The following MRE11 variants were observed in gnomAD, a reference collection of about 807,000 sequenced individuals.
MRE11 encodes double-strand break repair protein MRE11.
Under a neutral mutation model 91.7 loss-of-function variants are expected in MRE11, and 62 were observed. The ratio of observed to expected loss-of-function variants is 0.68; its 90% CI spans 0.55 to 0.84. MRE11 has a LOEUF of 0.84. Ranked by LOEUF, MRE11 falls within the 40% of genes least tolerant of loss-of-function variation. The pLI, the probability that MRE11 is intolerant of heterozygous loss-of-function variation, is 0.00. For missense variants in MRE11, 796 were observed against 852.9 expected, an observed-to-expected ratio of 0.93 and a Z score of 0.83; for synonymous variants, 273 against 271.4, an observed-to-expected ratio of 1.01 and a Z score of -0.06.
At chr11:94,450,233 T>C (rs77891285) in intron 14 of MRE11, among the ~76,000 whole-genome samples, 2,406 of 152,310 alleles carry the variant, frequency 0.016, 24 homozygotes, top group Middle Eastern at 0.034. Flanking sequence ...CAGTGGCTCA[T>C]AGAAAGCTAA....
At chr11:94,496,459 T>G (rs1369780777), upstream of MRE11, 1 of 362,472 alleles carries the variant, frequency 2.8e-6, no homozygotes, top group East Asian at 4.3e-5. Context: ...TCTGTCAGCA[T>G]CAGTATTTAG....
Position 94,417,057 on chromosome 11 carries a change from A to C in MRE11, c.*3068T>G, listed in dbSNP as rs1311901458. 6.5e-6 allele frequency: 1 copy of C among 153,052 alleles called. No homozygotes were observed. The highest frequency in any genetic ancestry group is 1.5e-5 in the Non-Finnish European group (1 of 68,880). 9.5% of individuals were successfully genotyped at this position (153,052 alleles called of 1,614,324 possible). On this transcript the variant is annotated 3_prime_UTR_variant, in exon 20 of 20. Coordinates refer to ENST00000323929, the MANE Select transcript of MRE11 (RefSeq NM_005591.4). ...AATGGCACAATCTCGGCTCACTGCA[A>C]CCTCTGCCTCCTGGGTTCAAGCGAT...
intron 16 of MRE11, among the ~76,000 whole-genome samples, chr11:94,437,472 TATAA>T (rs1287975842): frequency 2.0e-5 from 3 of 152,224 alleles, no homozygotes; most frequent in African/African-American, 7.2e-5. Context: ...CTGTAGTGTT[TATAA>T]ATACACACAC....
chr11:94,426,155 A>G (rs985263501), intron 19 of MRE11, among the ~76,000 whole-genome samples: 1 of 152,212 alleles, frequency 6.6e-6, no homozygotes, highest in African/African-American at 2.4e-5. Flanking sequence ...ATAAAAAGAG[A>G]TATCAATATT....
chr11:94,461,152 C>T (rs1946404066), intron 11 of MRE11, 116 bp from the exon 12 acceptor site: 6 of 786,126 alleles, frequency 7.6e-6, no homozygotes, highest in Admixed American at 2.6e-5. Flanking sequence ...TGCCAGCTTG[C>T]TCAACATGGT....
At chr11:94,443,723 T>C (rs187405509) in intron 16 of MRE11, among the ~76,000 whole-genome samples, 1 of 152,288 alleles carries the variant, frequency 6.6e-6, no homozygotes, top group Non-Finnish European at 1.5e-5. Flanking sequence ...TGTGAGTACT[T>C]ATTTAAGGAG....
At chr11:94,472,605 A>G (rs562441852) in intron 7 of MRE11, among the ~76,000 whole-genome samples, 2 of 152,242 alleles carry the variant, frequency 1.3e-5, no homozygotes, top group South Asian at 4.1e-4. Flanking sequence ...TCCAAAATCC[A>G]AAATATTTTA....
At chr11:94,448,710 G>A (rs947525602) in intron 14 of MRE11, among the ~76,000 whole-genome samples, 2 of 152,042 alleles carry the variant, frequency 1.3e-5, no homozygotes, top group South Asian at 2.1e-4. Flanking sequence ...AACATGCCAC[G>A]CATTTTTAAT....
chr11:94,496,517 A>AATTGTAT, upstream of MRE11: 2 of 575,820 alleles, frequency 3.5e-6, no homozygotes, highest in South Asian at 5.3e-5. Context: ...GACAGGGTTT[A>AATTGTAT]ATTGTATATG....
At chr11:94,497,151 T>C (rs768185232), upstream of MRE11, 74 of 649,398 alleles carry the variant, frequency 1.1e-4, no homozygotes, top group Non-Finnish European at 1.9e-4. Flanking sequence ...TAATTATCTA[T>C]AAAGATAGCA....
rs368901816 is a variant in MRE11 at position 94,436,566 on chromosome 11, G to A, written c.1926+611C>T. Among the ~76,000 whole-genome samples the A allele has an allele frequency of 5.9e-5, 9 of 152,290 alleles. No homozygotes were observed. The East Asian group carries it at 1.5e-3, about 26-fold the overall frequency. On this transcript the variant is annotated intron_variant, in intron 17 of 19. Transcript: ENST00000323929. ...ACCCTTCACAACAAAGAATTATCTAGTCCAAAATGTCAACAGTGCTACTAT... is the reference window on the plus strand; with the variant it reads ...ACCCTTCACAACAAAGAATTATCTAATCCAAAATGTCAACAGTGCTACTAT...
Position 94,459,504 on chromosome 11 carries a change from A to G in MRE11, c.1404T>C (p.Asp468=), listed in dbSNP as rs368144567. The stretch of plus-strand genomic sequence containing the variant: ...GGTATTTCACTAATTCCTCAATGGC[A>G]TCTTTCTCCTCCTTGTCCACAAATT... ...VQEFVDKEEK[D]AIEELVKYQL... Residue 468 remains aspartate (D), a synonymous_variant, in exon 13 of 20, where the codon GAT becomes GAC. Transcript: ENST00000323929. 5.4e-5 allele frequency: 87 copies of G among 1,613,932 alleles called. No homozygotes were observed. Among genetic ancestry groups the G allele is most frequent in the Non-Finnish European group, 7.2e-5 (85 of 1,179,920 alleles).
chr11:94,498,417 C>T (rs781167041), upstream of MRE11: 3 of 1,613,618 alleles, frequency 1.9e-6, no homozygotes, highest in South Asian at 3.3e-5. Flanking sequence ...TACGTCAAAC[C>T]AGGGCTGAAA....
chr11:94,476,551 G>A (rs1245682198), intron 6 of MRE11, 148 bp from the exon 7 acceptor site: 2 of 627,140 alleles, frequency 3.2e-6, no homozygotes, highest in East Asian at 5.6e-5. Flanking sequence ...TTATAAGTGG[G>A]TATGTTGCAG....
intron 13 of MRE11, among the ~76,000 whole-genome samples, chr11:94,457,558 T>A (rs1363518834): frequency 6.6e-6 from 1 of 152,042 alleles, no homozygotes; most frequent in African/African-American, 2.4e-5. Context: ...GTGCCCTAGG[T>A]GATAAGTAGC....
chr11:94,453,440 T>C (rs906952239), intron 14 of MRE11, among the ~76,000 whole-genome samples: 2 of 152,210 alleles, frequency 1.3e-5, no homozygotes, highest in South Asian at 2.1e-4. Context: ...CCACCACCAA[T>C]GTATATGGTT....
intron 4 of MRE11, among the ~76,000 whole-genome samples, chr11:94,481,000 G>C (rs552153725): frequency 6.6e-6 from 1 of 152,138 alleles, no homozygotes; most frequent in Non-Finnish European, 1.5e-5. Context: ...TCTTATGAGT[G>C]AAATCAAACT....
intron 16 of MRE11, among the ~76,000 whole-genome samples, chr11:94,439,772 A>G (rs1296469848): frequency 1.3e-5 from 2 of 152,246 alleles, no homozygotes; most frequent in Non-Finnish European, 1.5e-5. Flanking sequence ...AGATGAGAAC[A>G]CTCATTCCTA....
At position 94,475,441 on chromosome 11, in the gene MRE11, TA is replaced by T. The variant is rs1405647391; in HGVS notation, c.659+847del. Reference sequence around the variant, plus strand: ...CCCCGTGGATACCAAGGGACAACTGTAATAAATTATATAATCAGGCCCCAAA... The same window carrying T: ...CCCCGTGGATACCAAGGGACAACTGTATAAATTATATAATCAGGCCCCAAA... On this transcript the variant is annotated intron_variant, in intron 7 of 19. Transcript: ENST00000323929. 12 of 358,952 alleles carry T rather than the reference TA, an allele frequency of 3.3e-5. No homozygotes were observed. The East Asian group carries it at 8.7e-4, about 26-fold the overall frequency. 22.2% of individuals were successfully genotyped at this position (358,952 alleles called of 1,614,324 possible).
Sources: gnomAD v4.1 joint callset for allele counts (sites outside exome capture counted in the v4.1 genomes callset) on GRCh38, gnomAD v4.1.1 for gene constraint, MANE v1.5 for transcripts, NCBI Gene and HGNC (gene_info 2026-07-23, HGNC 2026-07-21) for gene names.